Variants in EHMT1 observed in about 807,000 individuals in gnomAD.
The protein encoded by EHMT1 is histone-lysine N-methyltransferase EHMT1.
In EHMT1, 15 loss-of-function variants were observed where a neutral mutation model predicts 147.2. The observed-to-expected ratio is 0.10, with a 90% CI of 0.07 to 0.16. The LOEUF (loss-of-function observed/expected upper bound fraction) is 0.16. EHMT1 is among the 10% of genes least tolerant of loss of function. The probability of loss-of-function intolerance (pLI) is 1.00; values close to 1 mark genes in which losing one functional copy is unlikely to be tolerated. For missense variants in EHMT1, 1,587 were observed against 1,772.4 expected, an observed-to-expected ratio of 0.90 and a Z score of 1.88; for synonymous variants, 795 against 709.6, an observed-to-expected ratio of 1.12 and a Z score of -1.91.
chr9:137,756,772 A>C (rs548699288), intron 8 of EHMT1, among the ~76,000 whole-genome samples: 1 of 152,280 alleles, frequency 6.6e-6, no homozygotes, highest in South Asian at 2.1e-4. Flanking sequence ...TTCACAGAGG[A>C]GTTTGAATTT....
intron 16 of EHMT1, chr9:137,792,156 CAAAACTT>C (rs1952574845): frequency 2.1e-6 from 1 of 465,758 alleles, no homozygotes; most frequent in Non-Finnish European, 4.4e-6. Context: ...TTGCTGATTT[CAAAACTT>C]ACTATATACG....
intron 1 of EHMT1, among the ~76,000 whole-genome samples, chr9:137,684,651 C>A (rs1414492194): frequency 6.6e-6 from 1 of 151,850 alleles, no homozygotes; most frequent in African/African-American, 2.4e-5. Context: ...GCCATTAGGC[C>A]CGGCTAATTT....
At chr9:137,708,624 G>A (rs766025510) in intron 1 of EHMT1, among the ~76,000 whole-genome samples, 1 of 152,208 alleles carries the variant, frequency 6.6e-6, no homozygotes, top group East Asian at 1.9e-4. Flanking sequence ...AGCTCATGGG[G>A]ACAGATACAC....
At position 137,775,266 on chromosome 9, in the gene EHMT1, C is replaced by G. The variant is rs968725178; in HGVS notation, c.1791+14C>G. The stretch of plus-strand genomic sequence containing the variant: ...TTCTGCACAGCGGTAAGAGCCCAGT[C>G]CGGCAGCCTCTGAGTCCTCCGCAGG... On this transcript the variant is annotated intron_variant, in intron 11 of 26. Coordinates refer to ENST00000460843, the MANE Select transcript of EHMT1 (RefSeq NM_024757.5). This position sits in a 1 kb window ranked among gnomAD's most constrained non-coding sequence, Gnocchi z 6.1. 1 of 1,607,372 alleles carries G rather than the reference C, an allele frequency of 6.2e-7. No homozygotes were observed. The highest frequency in any genetic ancestry group is 8.5e-7 in the Non-Finnish European group (1 of 1,179,700).
chr9:137,835,127 C>G lies in EHMT1; in HGVS notation c.*174C>G, dbSNP rs1274135752. ...CCCTGCGGGCGGGTGTGGATGCCTC[C>G]CAGCCACCTTCCCAGACCTGCGGCC... On this transcript the variant is annotated 3_prime_UTR_variant, in exon 27 of 27. Coordinates refer to ENST00000460843, the MANE Select transcript of EHMT1 (RefSeq NM_024757.5). The G allele has an allele frequency of 4.3e-6, 3 of 703,054 alleles. No homozygotes were observed. In the East Asian group the frequency reaches 1.1e-4, roughly 26 times the overall value. The allele number at this position is 703,054 out of a possible 1,614,324, so 43.6% of individuals were successfully genotyped here.
chr9:137,740,358 G>A (rs1399003479), intron 4 of EHMT1, among the ~76,000 whole-genome samples: 2 of 148,538 alleles, frequency 1.3e-5, no homozygotes, highest in African/African-American at 2.5e-5. Flanking sequence ...GGATTCTCCT[G>A]TGCCAGATCC....
Position 137,811,446 on chromosome 9 carries a change from C to G in EHMT1, c.2713-15C>G. On this transcript the variant is annotated splice_polypyrimidine_tract_variant and intron_variant, in intron 18 of 26. Transcript: ENST00000460843. Reference sequence around the variant, plus strand: ...GCAGGAAGCCTGCACTGAGCTCTGGCTTGTGTCTGTTCAGGAGGAGAACAT... The same window carrying G: ...GCAGGAAGCCTGCACTGAGCTCTGGGTTGTGTCTGTTCAGGAGGAGAACAT... The G allele has an allele frequency of 6.2e-7, 1 of 1,612,042 alleles. No homozygotes were observed. Among genetic ancestry groups the G allele is most frequent in the Non-Finnish European group, 8.5e-7 (1 of 1,179,992 alleles).
intron 1 of EHMT1, 142 bp from the exon 2 acceptor site, chr9:137,710,825 A>AGCTG: frequency 1.2e-6 from 1 of 827,076 alleles, no homozygotes. Flanking sequence ...GACTGTAACC[A>AGCTG]GCTGGCAGGA....
At position 137,835,869 on chromosome 9, in the gene EHMT1, A is replaced by C; in HGVS notation, c.*916A>C. ...TTAAAGATGTTAGTCTTGTAGCGTG[A>C]ATAAATTTGCCATCACCTTTTGTGT... On this transcript the variant is annotated 3_prime_UTR_variant, in exon 27 of 27. Coordinates refer to ENST00000460843, the MANE Select transcript of EHMT1 (RefSeq NM_024757.5). The C allele has an allele frequency of 6.6e-6, 1 of 152,614 alleles. No individual in the cohort carries two copies. Among genetic ancestry groups the C allele is most frequent in the Middle Eastern group, 3.2e-3 (1 of 316 alleles). 9.5% of individuals were successfully genotyped at this position (152,614 alleles called of 1,614,324 possible).
intron 26 of EHMT1, 86 bp downstream of exon 26, chr9:137,834,610 C>T (rs1266177752): frequency 1.3e-6 from 2 of 1,598,770 alleles, no homozygotes; most frequent in Non-Finnish European, 1.7e-6. Flanking sequence ...CTGGGCTTGT[C>T]TCGGGTTTAT....
intron 2 of EHMT1, 81 bp from the exon 3 acceptor site, chr9:137,716,545 G>T (rs1945313349): frequency 1.5e-6 from 2 of 1,372,134 alleles, no homozygotes; most frequent in Non-Finnish European, 2.0e-6. Context: ...GTGGTGTCAT[G>T]GTGGGGGAGG....
intron 1 of EHMT1, among the ~76,000 whole-genome samples, chr9:137,705,790 G>A (rs992092376): frequency 1.3e-5 from 2 of 152,206 alleles, no homozygotes; most frequent in Admixed American, 1.3e-4. Context: ...GTTGGGGGAT[G>A]GCCCTAGAGG....
chr9:137,796,563 G>A (rs1009915332), intron 16 of EHMT1, among the ~76,000 whole-genome samples: 25 of 151,866 alleles, frequency 1.6e-4, no homozygotes, highest in African/African-American at 6.0e-4. Context: ...AATTAGCTGG[G>A]CGTGGTGGTG....
At chr9:137,693,429 T>C (rs972430130) in intron 1 of EHMT1, among the ~76,000 whole-genome samples, 2 of 152,150 alleles carry the variant, frequency 1.3e-5, no homozygotes, top group African/African-American at 4.8e-5. Context: ...CCCATTTTAC[T>C]GCAGAGGAAA....
At chr9:137,730,891 A>G (rs1256266248) in intron 4 of EHMT1, among the ~76,000 whole-genome samples, 1 of 152,120 alleles carries the variant, frequency 6.6e-6, no homozygotes, top group Non-Finnish European at 1.5e-5. Context: ...TGTTCCCCTC[A>G]CCATCAACTT....
intron 1 of EHMT1, among the ~76,000 whole-genome samples, chr9:137,710,061 T>G (rs1944564485): frequency 6.6e-6 from 1 of 152,116 alleles, no homozygotes; most frequent in African/African-American, 2.4e-5. Flanking sequence ...ATGGTCCTGC[T>G]GCTGCGTCGG....
At chr9:137,806,348 T>C (rs1407162350) in intron 18 of EHMT1, among the ~76,000 whole-genome samples, 1 of 152,132 alleles carries the variant, frequency 6.6e-6, no homozygotes, top group Non-Finnish European at 1.5e-5. Flanking sequence ...TCCACCTTGG[T>C]GGGCTCATGC....
At chr9:137,764,253 T>A (rs1247516110) in intron 10 of EHMT1, 1 of 152,496 alleles carries the variant, frequency 6.6e-6, no homozygotes, top group East Asian at 1.9e-4. Flanking sequence ...GCGTTGCTTT[T>A]GTCTCATCCC....
chr9:137,774,136 G>T (rs545093302), intron 10 of EHMT1, among the ~76,000 whole-genome samples: 4 of 152,344 alleles, frequency 2.6e-5, no homozygotes, highest in East Asian at 3.9e-4. Context: ...CAGATTCATT[G>T]TACCGCTGCC....
Sources: allele counts gnomAD v4.1 joint callset (sites outside exome capture counted in the v4.1 genomes callset), GRCh38; gene constraint gnomAD v4.1.1; non-coding constraint Gnocchi (gnomAD v3.1); transcripts MANE v1.5; gene names NCBI Gene and HGNC (gene_info 2026-07-23, HGNC 2026-07-21).